CCDC178: variants seen among roughly 807,000 people sequenced by gnomAD.
CCDC178 encodes the protein coiled-coil domain-containing protein 178.
Under a neutral mutation model 117.4 loss-of-function variants are expected in CCDC178, and 126 were observed. That is an observed-to-expected ratio of 1.07 (90% CI 0.93 to 1.24). CCDC178 has a LOEUF of 1.24. CCDC178 is among the 50% of genes most tolerant of loss of function. The pLI is 0.00. For synonymous variants in CCDC178, 283 were observed against 313.4 expected (o/e 0.90, Z 1.02); for missense variants, 1,030 against 986.9 (o/e 1.04, Z -0.59).
At chr18:33,421,788 A>C (rs1445205717) in intron 2 of CCDC178, among the ~76,000 whole-genome samples, 2 of 152,218 alleles carry the variant, frequency 1.3e-5, no homozygotes, top group Admixed American at 1.3e-4. Context: ...TGGTTCTAGA[A>C]ACAGGGATAT....
At chr18:33,365,633 A>G (rs1014784453) in intron 6 of CCDC178, among the ~76,000 whole-genome samples, 6 of 152,168 alleles carry the variant, frequency 3.9e-5, no homozygotes, top group Non-Finnish European at 8.8e-5. Context: ...GATGTTATTA[A>G]TTTTGTACAA....
chr18:32,997,489 A>G (rs1319156739), intron 21 of CCDC178, among the ~76,000 whole-genome samples: 2 of 152,194 alleles, frequency 1.3e-5, no homozygotes, highest in Non-Finnish European at 2.9e-5. Context: ...TTGGATGTTC[A>G]GCCTGTCAGC....
intron 15 of CCDC178, among the ~76,000 whole-genome samples, chr18:33,235,243 C>A (rs1350107575): frequency 6.6e-6 from 1 of 152,058 alleles, no homozygotes; most frequent in Non-Finnish European, 1.5e-5. Context: ...CTGGAACTTT[C>A]TAAGGACTTG....
At position 33,323,624 on chromosome 18, in the gene CCDC178, G is replaced by A. The variant is rs1342439031; in HGVS notation, c.889C>T (p.Leu297=). The A allele has an allele frequency of 1.3e-6, 2 of 1,500,490 alleles. No homozygotes were observed. The highest frequency in any genetic ancestry group is 1.4e-5 in the South Asian group (1 of 71,018). 92.9% of individuals were successfully genotyped at this position (1,500,490 alleles called of 1,614,324 possible). ...HYKKKMEVMD[L]HRKVNEELEE... ...AGTTCTTCATTAACTTTTCTGTGTAGGTCCATTACCTAGAAATGAAAATAT... is the reference window on the plus strand; with the variant it reads ...AGTTCTTCATTAACTTTTCTGTGTAAGTCCATTACCTAGAAATGAAAATAT... The change falls in exon 11 of 23, where the codon CTA becomes TTA. Residue 297 remains leucine, a synonymous_variant. Coordinates refer to ENST00000383096, the MANE Select transcript of CCDC178 (RefSeq NM_001105528.4).
At chr18:33,258,310 C>T (rs558375191) in intron 14 of CCDC178, among the ~76,000 whole-genome samples, 1 of 152,270 alleles carries the variant, frequency 6.6e-6, no homozygotes, top group Non-Finnish European at 1.5e-5. Context: ...TCTAGCAACA[C>T]CGGCCTCCAT....
chr18:33,294,270 A>G (rs748316409), intron 11 of CCDC178, among the ~76,000 whole-genome samples: 81 of 152,318 alleles, frequency 5.3e-4, no homozygotes, highest in Middle Eastern at 6.8e-3. Flanking sequence ...CAGTGAGAAA[A>G]TGATAAAATT....
chr18:32,980,677 G>C (rs1335233107), intron 21 of CCDC178, among the ~76,000 whole-genome samples: 1 of 150,656 alleles, frequency 6.6e-6, no homozygotes, highest in African/African-American at 2.4e-5. Context: ...TCACATAAAA[G>C]GAAAGCTATT....
intron 21 of CCDC178, among the ~76,000 whole-genome samples, chr18:33,033,041 C>T (rs936493384): frequency 3.9e-5 from 6 of 152,046 alleles, no homozygotes; most frequent in Non-Finnish European, 7.4e-5. Flanking sequence ...TCTTCACATA[C>T]GTGAGACTCA....
At chr18:33,359,692 C>T (rs2063100817) in intron 6 of CCDC178, among the ~76,000 whole-genome samples, 1 of 151,532 alleles carries the variant, frequency 6.6e-6, no homozygotes, top group South Asian at 2.1e-4. Flanking sequence ...CTAATATAAT[C>T]AATTATATCA....
Position 33,307,591 on chromosome 18 carries a change from T to A in CCDC178, c.1023-14279A>T, listed in dbSNP as rs368068035. Among the ~76,000 whole-genome samples the A allele has an allele frequency of 7.9e-5, 12 of 152,318 alleles. No homozygotes were observed. The East Asian group carries it at 2.1e-3, about 27-fold the overall frequency. On this transcript the variant is annotated intron_variant, in intron 11 of 22. Transcript: ENST00000383096. The stretch of plus-strand genomic sequence containing the variant: ...TGCAAGCTGGCTGCATACATTTGCA[T>A]AAGTAACAATACATTTGGGAAAATG...
chr18:33,229,879 A>G (rs1253716099), intron 15 of CCDC178, among the ~76,000 whole-genome samples: 1 of 152,132 alleles, frequency 6.6e-6, no homozygotes, highest in South Asian at 2.1e-4. Flanking sequence ...CTAAAATGGA[A>G]TCTGCTAGAA....
At chr18:33,424,121 G>A (rs1027972920) in intron 2 of CCDC178, among the ~76,000 whole-genome samples, 1 of 151,680 alleles carries the variant, frequency 6.6e-6, no homozygotes, top group East Asian at 1.9e-4. Flanking sequence ...AAATATATTG[G>A]TATTCTTCCA....
intron 21 of CCDC178, among the ~76,000 whole-genome samples, chr18:33,062,425 G>C (rs1468031017): frequency 1.3e-5 from 2 of 152,172 alleles, no homozygotes; most frequent in African/African-American, 4.8e-5. Flanking sequence ...ACTATGAATA[G>C]AGCTTGTAAG....
At chr18:32,956,039 T>C (rs529204317) in intron 22 of CCDC178, among the ~76,000 whole-genome samples, 48 of 152,320 alleles carry the variant, frequency 3.2e-4, no homozygotes, top group African/African-American at 1.1e-3. Flanking sequence ...ACACTACACA[T>C]TTTTTCATTT....
chr18:33,165,012 T>C (rs942978400), intron 20 of CCDC178, among the ~76,000 whole-genome samples: 9 of 152,314 alleles, frequency 5.9e-5, no homozygotes, highest in African/African-American at 1.9e-4. Flanking sequence ...TTATGTCATT[T>C]AAAAATCCCA....
At chr18:33,126,997 A>AAAAAAAATATAT (rs71266914) in intron 20 of CCDC178, among the ~76,000 whole-genome samples, 3 of 141,182 alleles carry the variant, frequency 2.1e-5, no homozygotes, top group African/African-American at 8.1e-5. Context: ...AAAAAAAAAA[A>AAAAAAAATATAT]ATATATATAT....
chr18:33,206,707 A>G (rs1304346738), intron 20 of CCDC178, among the ~76,000 whole-genome samples: 1 of 152,184 alleles, frequency 6.6e-6, no homozygotes, highest in Non-Finnish European at 1.5e-5. Flanking sequence ...TTCTTCAGAA[A>G]AGAGCCAAGC....
intron 20 of CCDC178, among the ~76,000 whole-genome samples, chr18:33,132,661 T>C (rs1267132772): frequency 6.6e-6 from 1 of 151,740 alleles, no homozygotes; most frequent in Non-Finnish European, 1.5e-5. Flanking sequence ...TCTCTCAATA[T>C]ATAATATCTG....
At chr18:33,392,733 G>A (rs773475965) in intron 4 of CCDC178, among the ~76,000 whole-genome samples, 16 of 152,012 alleles carry the variant, frequency 1.1e-4, no homozygotes, top group Non-Finnish European at 1.8e-4. Flanking sequence ...ATGGTGGCAC[G>A]CACCTGTAGT....
Sources: gnomAD v4.1 joint callset for allele counts (sites outside exome capture counted in the v4.1 genomes callset) on GRCh38, gnomAD v4.1.1 for gene constraint, MANE v1.5 for transcripts, NCBI Gene and HGNC (gene_info 2026-07-23, HGNC 2026-07-21) for gene names.